The following GLRA3 variants were observed in gnomAD, a reference collection of about 807,000 sequenced individuals.
The protein encoded by GLRA3 is glycine receptor subunit alpha-3.
In GLRA3, 44 loss-of-function variants were observed where a neutral mutation model predicts 60.4. The ratio of observed to expected loss-of-function variants is 0.73; its 90% CI spans 0.57 to 0.94. The LOEUF (loss-of-function observed/expected upper bound fraction) is 0.94. Among genes scored for constraint, GLRA3 ranks in the 40% least tolerant of loss-of-function variants. The pLI is 0.00. For missense variants in GLRA3, 508 were observed against 564.6 expected (o/e 0.90, Z 1.02); for synonymous variants, 223 against 192.9 (o/e 1.16, Z -1.29).
chr4:174,668,486 C>T (rs180919677), intron 7 of GLRA3, among the ~76,000 whole-genome samples: 68 of 152,132 alleles, frequency 4.5e-4, no homozygotes, highest in African/African-American at 1.6e-3. Context: ...TACTTCAGTC[C>T]ACATGGAGGT....
chr4:174,647,223 A>G (rs567179364), intron 9 of GLRA3, among the ~76,000 whole-genome samples: 5 of 152,252 alleles, frequency 3.3e-5, no homozygotes, highest in Admixed American at 2.6e-4. Flanking sequence ...CCTGGCCAAC[A>G]TGGTGAAACC....
At position 174,641,062 on chromosome 4, in the gene GLRA3, T is replaced by C. The variant is rs1579374196; in HGVS notation, c.*2724A>G. The C allele has an allele frequency of 6.6e-6, 1 of 152,080 alleles. No individual in the cohort carries two copies. The highest frequency in any genetic ancestry group is 1.5e-5 in the Non-Finnish European group (1 of 67,962). The allele number at this position is 152,080 out of a possible 1,614,324, so 9.4% of individuals were successfully genotyped here. On this transcript the variant is annotated 3_prime_UTR_variant, in exon 10 of 10. Transcript: ENST00000274093. ...GGCACATATATGCTAATGTATAAGATAGCCTATAAATTCATATGCTATGGA... is the reference window on the plus strand; with the variant it reads ...GGCACATATATGCTAATGTATAAGACAGCCTATAAATTCATATGCTATGGA...
intron 9 of GLRA3, among the ~76,000 whole-genome samples, chr4:174,653,244 G>T (rs1733083762): frequency 6.6e-6 from 1 of 151,868 alleles, no homozygotes; most frequent in Non-Finnish European, 1.5e-5. Context: ...AAAAATCATT[G>T]TCCTTTGAGA....
At chr4:174,667,454 G>A (rs560486386) in intron 7 of GLRA3, among the ~76,000 whole-genome samples, 1 of 152,184 alleles carries the variant, frequency 6.6e-6, no homozygotes, top group East Asian at 1.9e-4. Context: ...ACTGCTTTAT[G>A]GAAAGAAGCT....
intron 9 of GLRA3, among the ~76,000 whole-genome samples, chr4:174,653,487 T>C (rs991820870): frequency 6.6e-6 from 1 of 151,936 alleles, no homozygotes; most frequent in Non-Finnish European, 1.5e-5. Flanking sequence ...GCATTTATTA[T>C]AGATGACATC....
At chr4:174,810,765 A>T (rs989279633) in intron 1 of GLRA3, among the ~76,000 whole-genome samples, 2 of 152,234 alleles carry the variant, frequency 1.3e-5, no homozygotes, top group African/African-American at 4.8e-5. Flanking sequence ...CAATTACCAC[A>T]GTAGCAGCTT....
intron 2 of GLRA3, among the ~76,000 whole-genome samples, chr4:174,776,752 C>A (rs1738620111): frequency 6.6e-6 from 1 of 152,106 alleles, no homozygotes; most frequent in Non-Finnish European, 1.5e-5. Flanking sequence ...GCTTCAGGGA[C>A]ATGATTGTTA....
intron 7 of GLRA3, among the ~76,000 whole-genome samples, chr4:174,664,766 G>C (rs1440214584): frequency 1.3e-5 from 2 of 151,878 alleles, no homozygotes; most frequent in Non-Finnish European, 2.9e-5. Flanking sequence ...TGTTTTATGG[G>C]GTATAAAGCC....
intron 1 of GLRA3, among the ~76,000 whole-genome samples, chr4:174,815,658 C>A (rs2111381822): frequency 6.6e-6 from 1 of 152,290 alleles, no homozygotes; most frequent in East Asian, 1.9e-4. Flanking sequence ...CCCTCTGAAA[C>A]AACAGCCCAA....
intron 5 of GLRA3, among the ~76,000 whole-genome samples, chr4:174,714,210 T>C (rs1735823537): frequency 6.6e-6 from 1 of 152,164 alleles, no homozygotes; most frequent in East Asian, 1.9e-4. Flanking sequence ...CCCTTATATG[T>C]TGAACCATTT....
intron 4 of GLRA3, among the ~76,000 whole-genome samples, chr4:174,717,094 C>T (rs1449876426): frequency 6.7e-6 from 1 of 149,864 alleles, no homozygotes; most frequent in Non-Finnish European, 1.5e-5. Flanking sequence ...CACCTGTAAT[C>T]CTGGCTACTC....
chr4:174,737,588 A>G (rs1270262826), intron 3 of GLRA3, among the ~76,000 whole-genome samples: 1 of 152,032 alleles, frequency 6.6e-6, no homozygotes, highest in East Asian at 1.9e-4. Context: ...ATCTTAGCTC[A>G]CTGTGACCTC....
chr4:174,695,104 A>T (rs1163038677), intron 5 of GLRA3, among the ~76,000 whole-genome samples: 2 of 151,960 alleles, frequency 1.3e-5, no homozygotes, highest in Non-Finnish European at 2.9e-5. Flanking sequence ...ACCAAAAAAA[A>T]TGCCTGGGAG....
At chr4:174,760,594 G>T (rs2014095) in intron 3 of GLRA3, among the ~76,000 whole-genome samples, 2 of 152,024 alleles carry the variant, frequency 1.3e-5, no homozygotes, top group Non-Finnish European at 2.9e-5. Flanking sequence ...CATTTCAGCT[G>T]GCTGCAAACT....
intron 1 of GLRA3, among the ~76,000 whole-genome samples, chr4:174,816,084 G>C (rs1740489615): frequency 6.6e-6 from 1 of 152,172 alleles, no homozygotes; most frequent in Non-Finnish European, 1.5e-5. Context: ...TGCACATTCT[G>C]ATTCAGTGAG....
At position 174,788,799 on chromosome 4, in the gene GLRA3, G is replaced by A. The variant is rs746044985; in HGVS notation, c.199+17C>T. 1.2e-5 allele frequency: 18 copies of A among 1,564,378 alleles called. No homozygotes were observed. The highest frequency in any genetic ancestry group is 1.5e-5 in the Non-Finnish European group (17 of 1,148,134). On this transcript the variant is annotated intron_variant, in intron 2 of 9. Transcript: ENST00000274093. Reference sequence around the variant, plus strand: ...ATATTTAAAACACACATATAAAGTAGCAAACAGAACAATTACCTTTAAAAT... The same window carrying A: ...ATATTTAAAACACACATATAAAGTAACAAACAGAACAATTACCTTTAAAAT...
rs192978547 is a variant in GLRA3 at position 174,638,752 on chromosome 4, A to G, written c.*5034T>C. 4.6e-5 allele frequency: 7 copies of G among 152,354 alleles called. No individual in the cohort carries two copies. The highest frequency in any genetic ancestry group is 7.3e-5 in the Non-Finnish European group (5 of 68,030). 9.4% of individuals were successfully genotyped at this position (152,354 alleles called of 1,614,324 possible). Reference sequence around the variant, plus strand: ...TTCTCTCACTTCTGGAATTTTTTCAATCATCCAGAATTTCAGATCTTATTC... The same window carrying G: ...TTCTCTCACTTCTGGAATTTTTTCAGTCATCCAGAATTTCAGATCTTATTC... On this transcript the variant is annotated 3_prime_UTR_variant, in exon 10 of 10. Transcript: ENST00000274093.
chr4:174,642,184 AT>A lies in GLRA3; in HGVS notation c.*1601del, dbSNP rs1461701908. The A allele has an allele frequency of 3.5e-6, 3 of 863,338 alleles. No individual in the cohort carries two copies. Among genetic ancestry groups the A allele is most frequent in the Non-Finnish European group, 4.2e-6 (3 of 718,688 alleles). 53.5% of individuals were successfully genotyped at this position (863,338 alleles called of 1,614,324 possible). On this transcript the variant is annotated 3_prime_UTR_variant, in exon 10 of 10. Transcript: ENST00000274093. ...TAAAATGTTATTTTAAAAAATTACA[AT>A]TGTATAAGCTGATGTACAATAACAT...
At chr4:174,717,839 T>TGTAC (rs1488065830) in intron 4 of GLRA3, among the ~76,000 whole-genome samples, 1 of 152,226 alleles carries the variant, frequency 6.6e-6, no homozygotes, top group Non-Finnish European at 1.5e-5. Flanking sequence ...ATATTTTGAA[T>TGTAC]GTACACACAT....
Sources: gnomAD v4.1 joint callset for allele counts (sites outside exome capture counted in the v4.1 genomes callset) on GRCh38, gnomAD v4.1.1 for gene constraint, MANE v1.5 for transcripts, NCBI Gene and HGNC (gene_info 2026-07-23, HGNC 2026-07-21) for gene names.